Variants in GKAP1 observed in about 807,000 individuals in gnomAD.
GKAP1 encodes the protein G kinase-anchoring protein 1.
In GKAP1, 31 loss-of-function variants were observed where a neutral mutation model predicts 56.7. The observed-to-expected ratio is 0.55, with a 90% CI of 0.41 to 0.74. The LOEUF is 0.74. GKAP1 is among the 30% of genes least tolerant of loss of function. The probability of loss-of-function intolerance (pLI) is 0.00; values close to 1 mark genes in which losing one functional copy is unlikely to be tolerated. For missense variants in GKAP1, 364 were observed against 402.3 expected (o/e 0.90, Z 0.82); for synonymous variants, 151 against 138.6 (o/e 1.09, Z -0.63).
At chr9:83,815,597 C>T (rs1324776420) in intron 2 of GKAP1, among the ~76,000 whole-genome samples, 1 of 151,948 alleles carries the variant, frequency 6.6e-6, no homozygotes, top group Non-Finnish European at 1.5e-5. Flanking sequence ...CACACACACA[C>T]AATTATACAT....
chr9:83,804,601 C>T (rs1307367416), intron 3 of GKAP1, among the ~76,000 whole-genome samples: 2 of 135,120 alleles, frequency 1.5e-5, no homozygotes, highest in African/African-American at 2.9e-5. Flanking sequence ...CCCGGCCAGC[C>T]GCCCCATCCA....
intron 4 of GKAP1, among the ~76,000 whole-genome samples, chr9:83,791,756 T>G (rs929057918): frequency 1.3e-5 from 2 of 152,074 alleles, no homozygotes; most frequent in Admixed American, 1.3e-4. Flanking sequence ...TTAACGTGTA[T>G]GAACTACAGG....
chr9:83,760,092 T>C (rs748307025), intron 8 of GKAP1, among the ~76,000 whole-genome samples: 10 of 152,168 alleles, frequency 6.6e-5, no homozygotes, highest in Non-Finnish European at 1.5e-4. Flanking sequence ...ATTGTCTTTA[T>C]AGAACAGCTG....
chr9:83,741,792 C>T (rs1364364251), intron 12 of GKAP1, among the ~76,000 whole-genome samples, 160 bp downstream of exon 12: 3 of 152,068 alleles, frequency 2.0e-5, no homozygotes, highest in African/African-American at 7.2e-5. Context: ...TCTAGAATAA[C>T]ATCTTCTACA....
intron 4 of GKAP1, among the ~76,000 whole-genome samples, chr9:83,796,471 C>CA (rs1044963639): frequency 9.2e-5 from 14 of 151,984 alleles, no homozygotes; most frequent in African/African-American, 2.9e-4. Flanking sequence ...ACCCATCTCA[C>CA]TTTTTTTTGT....
At chr9:83,749,091 A>G (rs1475484357) in intron 9 of GKAP1, 1 of 152,158 alleles carries the variant, frequency 6.6e-6, no homozygotes, top group Non-Finnish European at 1.5e-5. Flanking sequence ...TCACATTACA[A>G]AAATGATACA....
rs555055185 is a variant in GKAP1 at position 83,776,365 on chromosome 9, C to T, written c.585+4017G>A. Among the ~76,000 whole-genome samples the T allele has an allele frequency of 3.8e-4, 58 of 152,118 alleles. 1 individual carries two copies. The highest frequency in any genetic ancestry group is 1.3e-3 in the African/African-American group (56 of 41,498). On this transcript the variant is annotated intron_variant, in intron 7 of 12. Transcript: ENST00000376371. The stretch of plus-strand genomic sequence containing the variant: ...TTTAAAGCTAGATTAAATTTATTTG[C>T]TTTTAAAATTTAATAACCTAAAAAA...
At chr9:83,816,031 C>CAA (rs72114457) in intron 2 of GKAP1, among the ~76,000 whole-genome samples, 45,186 of 91,114 alleles carry the variant, frequency 0.5, 9,204 homozygotes, top group South Asian at 0.54. Context: ...ATTAAAAATA[C>CAA]AAAAAAAAAA....
intron 9 of GKAP1, among the ~76,000 whole-genome samples, chr9:83,751,956 C>T (rs918239752): frequency 3.3e-5 from 5 of 152,072 alleles, no homozygotes; most frequent in African/African-American, 1.2e-4. Flanking sequence ...TCCAGCAATT[C>T]CACTCTTAGG....
intron 4 of GKAP1, among the ~76,000 whole-genome samples, chr9:83,790,054 T>A (rs1944128668): frequency 6.6e-6 from 1 of 152,070 alleles, no homozygotes; most frequent in African/African-American, 2.4e-5. Flanking sequence ...ACTAGAAAAA[T>A]CTTAATAGAC....
intron 8 of GKAP1, among the ~76,000 whole-genome samples, chr9:83,759,731 C>G (rs1943537399): frequency 6.6e-6 from 1 of 152,036 alleles, no homozygotes; most frequent in South Asian, 2.1e-4. Context: ...ATGGTTATAC[C>G]AATTTACATT....
intron 7 of GKAP1, among the ~76,000 whole-genome samples, chr9:83,772,784 A>T (rs1943784208): frequency 6.6e-6 from 1 of 152,196 alleles, no homozygotes; most frequent in South Asian, 2.1e-4. Flanking sequence ...ATTTGAATAG[A>T]TATTTCCAGA....
At position 83,742,028 on chromosome 9, in the gene GKAP1, A is replaced by G; in HGVS notation, c.977T>C (p.Val326Ala). 1 of 1,578,072 alleles carries G rather than the reference A, an allele frequency of 6.3e-7. No homozygotes were observed. The highest frequency in any genetic ancestry group is 8.6e-7 in the Non-Finnish European group (1 of 1,163,562). ...TTCTAATGCAGCATGAAGTGAAGTC[A>G]CCTATAACCAAATATTCAATAAGAA... ...QSIKNELTIQ[V>A]TSLHAALEQE... Residue 326 changes from valine to alanine, a missense_variant and splice_region_variant, in exon 12 of 13, where the codon GTG becomes GCG. Physicochemically the swap from Val to Ala is moderately conservative, Grantham distance 64. Coordinates refer to ENST00000376371, the MANE Select transcript of GKAP1 (RefSeq NM_025211.4).
chr9:83,802,635 C>G (rs1264611966), intron 3 of GKAP1, among the ~76,000 whole-genome samples: 5 of 151,740 alleles, frequency 3.3e-5, no homozygotes, highest in Non-Finnish European at 5.9e-5. Flanking sequence ...TTGAGAACAG[C>G]CTGGGCAATG....
chr9:83,766,507 T>C (rs969844416), intron 8 of GKAP1, among the ~76,000 whole-genome samples: 3 of 152,214 alleles, frequency 2.0e-5, no homozygotes, highest in Admixed American at 2.0e-4. Context: ...AGAAACAGTG[T>C]TATTTATAGA....
Position 83,782,121 on chromosome 9 carries a change from C to T in GKAP1, c.563-1717G>A, listed in dbSNP as rs145943398. On this transcript the variant is annotated intron_variant, in intron 6 of 12. Coordinates refer to ENST00000376371, the MANE Select transcript of GKAP1 (RefSeq NM_025211.4). ...CCTCCCAAAGTGCTGGGATTACAGG[C>T]GTGAGCCACTGTGCCCAGCCACTTC... 3.2e-3 allele frequency among the ~76,000 whole-genome samples: 480 copies of T among 151,844 alleles called. 4 individuals are homozygous for T. Among genetic ancestry groups the T allele is most frequent in the African/African-American group, 0.01 (427 of 41,432 alleles).
At chr9:83,812,220 C>CAT (rs1944515534) in intron 2 of GKAP1, among the ~76,000 whole-genome samples, 2 of 146,122 alleles carry the variant, frequency 1.4e-5, no homozygotes, top group Non-Finnish European at 3.0e-5. Context: ...TACATACATA[C>CAT]ACACACACAT....
chr9:83,748,015 AATC>A (rs1208593292), intron 10 of GKAP1, among the ~76,000 whole-genome samples: 2 of 152,114 alleles, frequency 1.3e-5, no homozygotes, highest in Non-Finnish European at 2.9e-5. Flanking sequence ...GGCACATAAT[AATC>A]ATATATATTT....
chr9:83,769,438 T>C (rs1041729570), intron 7 of GKAP1, among the ~76,000 whole-genome samples: 10 of 152,246 alleles, frequency 6.6e-5, no homozygotes, highest in African/African-American at 2.2e-4. Context: ...ATCTATTTAC[T>C]GTCTCTATAG....
Sources: gnomAD v4.1 joint callset for allele counts (sites outside exome capture counted in the v4.1 genomes callset) on GRCh38, gnomAD v4.1.1 for gene constraint, MANE v1.5 for transcripts, NCBI Gene and HGNC (gene_info 2026-07-23, HGNC 2026-07-21) for gene names.